Variants in DLC1 observed in about 807,000 individuals in gnomAD.
The protein encoded by DLC1 is rho GTPase-activating protein 7.
Under a neutral mutation model 140.3 loss-of-function variants are expected in DLC1, and 54 were observed. That is an observed-to-expected ratio of 0.38 (90% CI 0.31 to 0.48). The LOEUF is 0.48. Ranked by LOEUF, DLC1 falls within the 20% of genes least tolerant of loss-of-function variation. DLC1 has a pLI of 0.96. For synonymous variants in DLC1, 986 were observed against 728.1 expected (o/e 1.35, Z -5.70); for missense variants, 2,536 against 1,907.0 (o/e 1.33, Z -6.14).
At chr8:13,534,493 G>GGT (rs1803203633) in intron 1 of DLC1, among the ~76,000 whole-genome samples, 1 of 152,130 alleles carries the variant, frequency 6.6e-6, no homozygotes, top group Non-Finnish European at 1.5e-5. Context: ...CCCACAGCGT[G>GGT]GTGTGTGTGT....
intron 5 of DLC1, among the ~76,000 whole-genome samples, chr8:13,242,618 C>G (rs751166590): frequency 2.0e-5 from 3 of 152,036 alleles, no homozygotes; most frequent in Admixed American, 1.3e-4. Context: ...ATCTTGAACT[C>G]CTGGGCTCAA....
intron 5 of DLC1, chr8:13,132,880 G>A (rs1211070842): frequency 1.1e-5 from 17 of 1,544,680 alleles, no homozygotes; most frequent in Non-Finnish European, 1.4e-5. Flanking sequence ...ACTTTCTCGC[G>A]GCGGGTCCCC....
chr8:13,395,015 TATCTATCTATCTATCTATC>T (rs899765314), intron 3 of DLC1, among the ~76,000 whole-genome samples: 17 of 85,724 alleles, frequency 2.0e-4, no homozygotes, highest in African/African-American at 1.1e-3. Context: ...TCTATCTATC[TATCTATCTATCTATCTATC>T]ATCTATCTAT....
At chr8:13,288,889 A>AGGTTG (rs1831643353) in intron 5 of DLC1, among the ~76,000 whole-genome samples, 2 of 152,240 alleles carry the variant, frequency 1.3e-5, no homozygotes, top group African/African-American at 4.8e-5. Context: ...GGGAAGCTAA[A>AGGTTG]GGTTGTGGAC....
chr8:13,582,273 A>C (rs1805130561), intron 1 of DLC1, among the ~76,000 whole-genome samples: 1 of 152,224 alleles, frequency 6.6e-6, no homozygotes, highest in Non-Finnish European at 1.5e-5. Flanking sequence ...CTCTTCAAGA[A>C]AACACCAGTA....
intron 4 of DLC1, among the ~76,000 whole-genome samples, chr8:13,372,408 C>T (rs747905546): frequency 3.3e-5 from 5 of 152,106 alleles, no homozygotes; most frequent in Non-Finnish European, 7.4e-5. Context: ...AACAGAAGAA[C>T]CGTTTGAGGA....
At position 13,305,291 on chromosome 8, in the gene DLC1, A is replaced by T. The variant is rs758690468; in HGVS notation, c.1326T>A (p.Gly442=). ...GTKPKTTAIQ[G]ISEKEKAEIE... ...TACCAGCCTTTTCCTTCTCTGAAAT[A>T]CCTTGAATAGCCTGAAAAAAAAGAC... Residue 442 remains glycine (G), a synonymous_variant, in exon 5 of 18, where the codon GGT becomes GGA. Transcript: ENST00000276297. 2 of 1,606,692 alleles carry T rather than the reference A, an allele frequency of 1.2e-6. No homozygotes were observed. Among genetic ancestry groups the T allele is most frequent in the Non-Finnish European group, 1.7e-6 (2 of 1,176,948 alleles).
At chr8:13,284,882 G>A (rs183713165) in intron 5 of DLC1, among the ~76,000 whole-genome samples, 5 of 152,274 alleles carry the variant, frequency 3.3e-5, no homozygotes, top group Middle Eastern at 3.4e-3. Context: ...AGAAATTGAA[G>A]AAGATCTAAA....
chr8:13,385,212 A>G (rs2117179392), intron 4 of DLC1, among the ~76,000 whole-genome samples: 1 of 152,290 alleles, frequency 6.6e-6, no homozygotes, highest in African/African-American at 2.4e-5. Context: ...GTAAATTACT[A>G]CAGTCCTGAT....
chr8:13,119,513 G>A (rs1820854767), intron 5 of DLC1, among the ~76,000 whole-genome samples: 1 of 152,148 alleles, frequency 6.6e-6, no homozygotes, highest in Non-Finnish European at 1.5e-5. Context: ...TTTACTGAGT[G>A]CTTAATACGC....
At chr8:13,190,583 A>T (rs1826690955) in intron 5 of DLC1, among the ~76,000 whole-genome samples, 1 of 152,238 alleles carries the variant, frequency 6.6e-6, no homozygotes, top group South Asian at 2.1e-4. Flanking sequence ...GAAAGGCAAA[A>T]GTCATAAATA....
chr8:13,567,583 C>A, intron 1 of DLC1: 1 of 1,551,792 alleles, frequency 6.4e-7, no homozygotes, highest in African/African-American at 1.4e-5. Context: ...CATATCTTAT[C>A]AGTGTCCCTA....
At chr8:13,484,301 A>G (rs977709801) in intron 2 of DLC1, among the ~76,000 whole-genome samples, 1 of 152,190 alleles carries the variant, frequency 6.6e-6, no homozygotes, top group Admixed American at 6.5e-5. Flanking sequence ...AAGCTTACAG[A>G]TGCATTTTTA....
At chr8:13,547,694 T>G (rs1563433215) in intron 1 of DLC1, among the ~76,000 whole-genome samples, 1 of 152,058 alleles carries the variant, frequency 6.6e-6, no homozygotes, top group Non-Finnish European at 1.5e-5. Flanking sequence ...TAGCTATTTG[T>G]TAGCTCGACT....
chr8:13,147,101 C>T (rs1019219095), intron 5 of DLC1, among the ~76,000 whole-genome samples: 4 of 152,134 alleles, frequency 2.6e-5, no homozygotes, highest in African/African-American at 9.7e-5. Context: ...AACCATTCAT[C>T]AGTAACAAAA....
chr8:13,458,297 G>A (rs1276809489), intron 2 of DLC1, among the ~76,000 whole-genome samples: 2 of 152,166 alleles, frequency 1.3e-5, no homozygotes, highest in African/African-American at 4.8e-5. Flanking sequence ...AGAGTTGGAA[G>A]AAACTTTAAC....
intron 4 of DLC1, among the ~76,000 whole-genome samples, chr8:13,315,561 T>A (rs1832832962): frequency 6.6e-6 from 1 of 152,212 alleles, no homozygotes; most frequent in African/African-American, 2.4e-5. Context: ...GTTGGGGCCT[T>A]TCAATTGCCT....
chr8:13,353,041 T>C (rs1834747920), intron 4 of DLC1, among the ~76,000 whole-genome samples: 1 of 152,174 alleles, frequency 6.6e-6, no homozygotes, highest in Non-Finnish European at 1.5e-5. Context: ...AAATACCATA[T>C]ATATATAGTC....
chr8:13,257,228 G>T (rs77742648), intron 5 of DLC1, among the ~76,000 whole-genome samples: 1 of 149,904 alleles, frequency 6.7e-6, no homozygotes, highest in Non-Finnish European at 1.5e-5. Flanking sequence ...AAAAAAAAAG[G>T]CATTTGAAAC....
Sources: gnomAD v4.1 joint callset for allele counts (sites outside exome capture counted in the v4.1 genomes callset) on GRCh38, gnomAD v4.1.1 for gene constraint, MANE v1.5 for transcripts, NCBI Gene and HGNC (gene_info 2026-07-23, HGNC 2026-07-21) for gene names.